RFX2: variants seen among roughly 807,000 people sequenced by gnomAD.
The protein encoded by RFX2 is DNA-binding protein RFX2.
A neutral mutation model predicts 87.8 loss-of-function variants in RFX2; 20 were observed. That is an observed-to-expected ratio of 0.23 (90% CI 0.16 to 0.33). The LOEUF (loss-of-function observed/expected upper bound fraction) is 0.33, where lower values mean the gene tolerates loss of function less well. Among genes scored for constraint, RFX2 ranks in the 10% least tolerant of loss-of-function variants. The pLI is 1.00. For missense variants in RFX2, 767 were observed against 1,012.3 expected (o/e 0.76, Z 3.29); for synonymous variants, 397 against 431.3 (o/e 0.92, Z 0.98).
At position 6,024,939 on chromosome 19, in the gene RFX2, CGGG is replaced by C. The variant is rs1428340730; in HGVS notation, c.597+1221_597+1223del. Among the ~76,000 whole-genome samples, 1 of 148,086 alleles carries C rather than the reference CGGG, an allele frequency of 6.8e-6. No individual in the cohort carries two copies. On this transcript the variant is annotated intron_variant, in intron 6 of 17. Coordinates refer to ENST00000303657, the MANE Select transcript of RFX2 (RefSeq NM_000635.4). This position sits in a 1 kb window ranked among gnomAD's most constrained non-coding sequence, Gnocchi z 5.0. ...ATCACGGTGAGGACGGGAGTCAGGACGGGATCACGGTGAGGACGGGAGTCAGGA... is the reference window on the plus strand; with the variant it reads ...ATCACGGTGAGGACGGGAGTCAGGACATCACGGTGAGGACGGGAGTCAGGA...
chr19:6,067,221 C>T (rs901621845), intron 1 of RFX2, among the ~76,000 whole-genome samples: 6 of 151,868 alleles, frequency 4.0e-5, no homozygotes, highest in Admixed American at 2.0e-4. Flanking sequence ...GTTTTCTGGG[C>T]GAAGTAAAAT....
chr19:6,000,277 G>T (rs150822335), intron 15 of RFX2, among the ~76,000 whole-genome samples: 1 of 152,188 alleles, frequency 6.6e-6, no homozygotes, highest in East Asian at 1.9e-4. Context: ...GAGCCACTGC[G>T]CCCGGCCAGG....
At position 6,042,102 on chromosome 19, in the gene RFX2, ACACGTGCTGCACCGG is replaced by A; in HGVS notation, c.187_201del (p.Pro63_Val67del). 2 of 1,613,970 alleles carry A rather than the reference ACACGTGCTGCACCGG, an allele frequency of 1.2e-6. No homozygotes were observed. Among genetic ancestry groups the A allele is most frequent in the Non-Finnish European group, 1.7e-6 (2 of 1,180,010 alleles). On this transcript the variant is annotated inframe_deletion, in exon 4 of 18. Transcript: ENST00000303657. Reference sequence around the variant, plus strand: ...TCCACGTACTGCACCTGGGCAGGATACACGTGCTGCACCGGCTGCACCTGAAACATCGGATACGCT... The same window carrying A: ...TCCACGTACTGCACCTGGGCAGGATACTGCACCTGAAACATCGGATACGCT...
intron 1 of RFX2, among the ~76,000 whole-genome samples, chr19:6,094,724 C>T (rs1417062921): frequency 6.6e-6 from 1 of 152,064 alleles, no homozygotes; most frequent in Non-Finnish European, 1.5e-5. Context: ...TGAAATATCT[C>T]GACAATAATT....
chr19:6,026,580 G>GA lies in RFX2; in HGVS notation c.523-344_523-343insT. On this transcript the variant is annotated intron_variant, in intron 5 of 17. Coordinates refer to ENST00000303657, the MANE Select transcript of RFX2 (RefSeq NM_000635.4). The surrounding 1 kb of genome is among the most constrained non-coding windows in gnomAD (Gnocchi z 4.5). ...ATGCAGCCACTGCATCCATTCCAGT[G>GA]TCAGCCAAGCCAGCATCATAGTCAC... is the stretch of plus-strand genomic sequence containing the variant. The GA allele has an allele frequency of 6.2e-6, 2 of 323,968 alleles. No individual in the cohort carries two copies. The highest frequency in any genetic ancestry group is 2.9e-5 in the South Asian group (1 of 34,976). 20.1% of individuals were successfully genotyped at this position (323,968 alleles called of 1,614,324 possible).
chr19:6,065,402 T>C (rs2144818240), intron 1 of RFX2, among the ~76,000 whole-genome samples: 1 of 152,216 alleles, frequency 6.6e-6, no homozygotes, highest in East Asian at 1.9e-4. Context: ...ATCCCAGCAC[T>C]TTGGGAGGCC....
At position 6,047,943 on chromosome 19, in the gene RFX2, C is replaced by G. The variant is rs1407240346; in HGVS notation, c.-8-439G>C. ...CGGGAGAAACTCTAAGGCTGGGTTT[C>G]CCCACTGTGGCACCGTTGACATTTG... On this transcript the variant is annotated intron_variant, in intron 1 of 17. Transcript: ENST00000303657. This position sits in a 1 kb window ranked among gnomAD's most constrained non-coding sequence, Gnocchi z 4.2. 6.6e-6 allele frequency among the ~76,000 whole-genome samples: 1 copy of G among 152,246 alleles called. No homozygotes were observed. The highest frequency in any genetic ancestry group is 1.5e-5 in the Non-Finnish European group (1 of 68,046).
At position 6,017,934 on chromosome 19, in the gene RFX2, T is replaced by G. The variant is rs952824499; in HGVS notation, c.598-1663A>C. 9.2e-6 allele frequency among the ~76,000 whole-genome samples: 1 copy of G among 108,460 alleles called. No homozygotes were observed. The highest frequency in any genetic ancestry group is 3.6e-5 in the African/African-American group (1 of 27,806). 71.2% of individuals were successfully genotyped at this position (108,460 alleles called of 152,430 possible). On this transcript the variant is annotated intron_variant, in intron 6 of 17. Transcript: ENST00000303657. The surrounding 1 kb of genome is among the most constrained non-coding windows in gnomAD (Gnocchi z 4.1). ...TTTGCCCCATCCCCACCCCCCCAAC[T>G]CAGCATTAGAAGCTGGGGAGGAAGA...
rs2086376658 is a variant in RFX2, at chr19:5,994,546, G to A, written c.*289C>T. 3 of 427,906 alleles carry A rather than the reference G, an allele frequency of 7.0e-6. No individual in the cohort carries two copies. The highest frequency in any genetic ancestry group is 8.5e-6 in the Non-Finnish European group (2 of 234,950). 26.5% of individuals were successfully genotyped at this position (427,906 alleles called of 1,614,324 possible). On this transcript the variant is annotated 3_prime_UTR_variant, in exon 18 of 18. Coordinates refer to ENST00000303657, the MANE Select transcript of RFX2 (RefSeq NM_000635.4). ...GGCCAAAGTCCAGGGTTCCAGCAGA[G>A]GAGGGTTTGTCCAGAATAAGGAACC...
intron 1 of RFX2, among the ~76,000 whole-genome samples, chr19:6,081,954 G>A (rs1268152706): frequency 6.6e-6 from 1 of 152,160 alleles, no homozygotes; most frequent in African/African-American, 2.4e-5. Context: ...TGGGTGTACT[G>A]GTGGGCACCT....
In RFX2 at chr19:6,010,042, G is replaced by C. The variant is rs778072105; in HGVS notation, c.1015+94C>G. ...TCTCGTAAGAAAACTGTCGGAAGCAGACGCTTAGACACCACTGGTTCTGCT... is the reference window on the plus strand; with the variant it reads ...TCTCGTAAGAAAACTGTCGGAAGCACACGCTTAGACACCACTGGTTCTGCT... On this transcript the variant is annotated intron_variant, in intron 9 of 17. Transcript: ENST00000303657. This position sits in a 1 kb window ranked among gnomAD's most constrained non-coding sequence, Gnocchi z 5.0. The C allele has an allele frequency of 9.1e-5, 61 of 669,558 alleles. No homozygotes were observed. Among genetic ancestry groups the C allele is most frequent in the Admixed American group, 4.4e-4 (15 of 34,326 alleles). The allele number at this position is 669,558 out of a possible 1,614,324, so 41.5% of individuals were successfully genotyped here.
At chr19:6,104,717 C>A (rs921010491) in intron 1 of RFX2, among the ~76,000 whole-genome samples, 3 of 152,178 alleles carry the variant, frequency 2.0e-5, no homozygotes, top group Non-Finnish European at 2.9e-5. Flanking sequence ...CAGCTCTCAA[C>A]TCTTCATTTC....
intron 5 of RFX2, among the ~76,000 whole-genome samples, chr19:6,033,370 AGATCAAT>A (rs1354061328): frequency 4.6e-5 from 7 of 152,252 alleles, no homozygotes; most frequent in African/African-American, 1.7e-4. Flanking sequence ...ATCGATTATT[AGATCAAT>A]GATCAATTTG....
chr19:6,089,115 G>A (rs2087897274), intron 1 of RFX2, among the ~76,000 whole-genome samples: 1 of 152,154 alleles, frequency 6.6e-6, no homozygotes, highest in South Asian at 2.1e-4. Flanking sequence ...TTAGCCCATG[G>A]GCTAGTTTGC....
rs899556860 is a variant in RFX2, at chr19:6,026,499, A to G, written c.523-262T>C. 1.8e-6 allele frequency: 1 copy of G among 544,746 alleles called. No individual in the cohort carries two copies. The highest frequency in any genetic ancestry group is 3.2e-5 in the Admixed American group (1 of 30,956). 33.7% of individuals were successfully genotyped at this position (544,746 alleles called of 1,614,324 possible). On this transcript the variant is annotated intron_variant, in intron 5 of 17. Coordinates refer to ENST00000303657, the MANE Select transcript of RFX2 (RefSeq NM_000635.4). The surrounding 1 kb of genome is among the most constrained non-coding windows in gnomAD (Gnocchi z 4.5). ...CAGAAGCAGCAGAAATCATGTTGTA[A>G]AAACTTGCTACTGAACTTTAACCTG...
rs2087345121 is a variant in RFX2 at position 6,056,517 on chromosome 19, CAG to C, written c.-8-9015_-8-9014del. On this transcript the variant is annotated intron_variant, in intron 1 of 17. Transcript: ENST00000303657. This position sits in a 1 kb window ranked among gnomAD's most constrained non-coding sequence, Gnocchi z 4.6. ...CTCCACCTGGCAGAGGAGAGCGCAGCAGAGAGTGGGCAGAGGGCAGGGCCCCG... is the reference window on the plus strand; with the variant it reads ...CTCCACCTGGCAGAGGAGAGCGCAGCAGAGTGGGCAGAGGGCAGGGCCCCG... Among the ~76,000 whole-genome samples the C allele has an allele frequency of 6.6e-6, 1 of 152,134 alleles. No homozygotes were observed. The highest frequency in any genetic ancestry group is 2.1e-4 in the South Asian group (1 of 4,832).
At chr19:6,080,065 G>C (rs2087756900) in intron 1 of RFX2, among the ~76,000 whole-genome samples, 1 of 151,880 alleles carries the variant, frequency 6.6e-6, no homozygotes, top group Non-Finnish European at 1.5e-5. Context: ...TTTAGGGATG[G>C]GTCTTGCTCT....
chr19:6,029,219 C>A (rs1219934591), intron 5 of RFX2, among the ~76,000 whole-genome samples: 1 of 147,696 alleles, frequency 6.8e-6, no homozygotes, highest in Admixed American at 6.8e-5. Context: ...TTAAACTATT[C>A]AAAATATCCA....
chr19:6,064,564 C>T lies in RFX2; in HGVS notation c.-8-17060G>A, dbSNP rs753211603. On this transcript the variant is annotated intron_variant, in intron 1 of 17. Transcript: ENST00000303657. This position sits in a 1 kb window ranked among gnomAD's most constrained non-coding sequence, Gnocchi z 4.8. ...GACAGTTCCTCAGCAGTAGCATCTC[C>T]TGCTTTCTCAGCCTGGTGACCTGAC... 3.4e-4 allele frequency among the ~76,000 whole-genome samples: 51 copies of T among 152,220 alleles called. No homozygotes were observed. The highest frequency in any genetic ancestry group is 1.6e-4 in the Non-Finnish European group (11 of 68,042).
Sources: allele counts gnomAD v4.1 joint callset (sites outside exome capture counted in the v4.1 genomes callset), GRCh38; gene constraint gnomAD v4.1.1; non-coding constraint Gnocchi (gnomAD v3.1); transcripts MANE v1.5; gene names NCBI Gene and HGNC (gene_info 2026-07-23, HGNC 2026-07-21).